The following POC1A variants were observed in gnomAD, a reference collection of about 807,000 sequenced individuals.
POC1A encodes the protein POC1 centriolar protein A, also known as POC1 centriolar protein homolog A.
POC1A carries 34 observed loss-of-function variants against 47.8 expected under a neutral mutation model. That is an observed-to-expected ratio of 0.71 (90% CI 0.54 to 0.95). POC1A has a LOEUF of 0.95. POC1A is among the 40% of genes least tolerant of loss of function. The probability of loss-of-function intolerance (pLI) is 0.00; values close to 1 mark genes in which losing one functional copy is unlikely to be tolerated. For missense variants in POC1A, 466 were observed against 528.3 expected, an observed-to-expected ratio of 0.88 and a Z score of 1.16; for synonymous variants, 177 against 207.6, an observed-to-expected ratio of 0.85 and a Z score of 1.27.
At position 52,150,002 on chromosome 3, in the gene POC1A, T is replaced by C; in HGVS notation, c.104-15A>G. 6.2e-7 allele frequency: 1 copy of C among 1,608,942 alleles called. No homozygotes were observed. Among genetic ancestry groups the C allele is most frequent in the Non-Finnish European group, 8.5e-7 (1 of 1,177,290 alleles). Reference sequence around the variant, plus strand: ...GGAGCCACTGGCTGAGGACAGTGGGTGATGCTATGACCTACAGCTCTAACA... The same window carrying C: ...GGAGCCACTGGCTGAGGACAGTGGGCGATGCTATGACCTACAGCTCTAACA... On this transcript the variant is annotated splice_polypyrimidine_tract_variant and intron_variant, in intron 2 of 10. Coordinates refer to ENST00000296484, the MANE Select transcript of POC1A (RefSeq NM_015426.5).
chr3:52,145,036 C>T (rs936223927), intron 6 of POC1A, among the ~76,000 whole-genome samples: 3 of 152,200 alleles, frequency 2.0e-5, no homozygotes, highest in Non-Finnish European at 4.4e-5. Flanking sequence ...TGGTCTCGGC[C>T]CTGGTCCAGT....
rs565939669 is a variant in POC1A at position 52,151,891 on chromosome 3, G to GAA, written c.19-793_19-792dup. Reference sequence around the variant, plus strand: ...TTCACATGAAAATGCAAGACACCCAGAAAAAAAAAAAAATCTTTAAAAACA... The same window carrying GAA: ...TTCACATGAAAATGCAAGACACCCAGAAAAAAAAAAAAAAATCTTTAAAAACA... On this transcript the variant is annotated intron_variant, in intron 1 of 10. Coordinates refer to ENST00000296484, the MANE Select transcript of POC1A (RefSeq NM_015426.5). 9.9e-3 allele frequency among the ~76,000 whole-genome samples: 1,306 copies of GAA among 131,850 alleles called. 21 individuals are homozygous for GAA. Among genetic ancestry groups the GAA allele is most frequent in the African/African-American group, 0.032 (1,163 of 36,288 alleles). The allele number at this position is 131,850 out of a possible 152,430, so 86.5% of individuals were successfully genotyped here.
rs1031071630 is a variant in POC1A, at chr3:52,121,993, G to A, written c.981+386C>T. On this transcript the variant is annotated intron_variant, in intron 9 of 10. Transcript: ENST00000296484. Reference sequence around the variant, plus strand: ...GGCTGGGCCTTTCCCACTTGTCCCAGCTGTGGCTTCAGGCCCTGAACCCTC... The same window carrying A: ...GGCTGGGCCTTTCCCACTTGTCCCAACTGTGGCTTCAGGCCCTGAACCCTC... Among the ~76,000 whole-genome samples, 10 of 152,174 alleles carry A rather than the reference G, an allele frequency of 6.6e-5. No individual in the cohort carries two copies. In the East Asian group the frequency reaches 1.9e-3, roughly 29 times the overall value.
chr3:52,079,888 C>T lies in POC1A; in HGVS notation c.1126-3903G>A, dbSNP rs2106923110. ...TTGGAGAAACCAGGCAGCTCATTCC[C>T]TTTCCTTGGACCTGGTGCTACCCTG... On this transcript the variant is annotated intron_variant, in intron 10 of 10. Transcript: ENST00000296484. This position sits in a 1 kb window ranked among gnomAD's most constrained non-coding sequence, Gnocchi z 4.6. Among the ~76,000 whole-genome samples the T allele has an allele frequency of 6.6e-6, 1 of 152,300 alleles. No homozygotes were observed. The highest frequency in any genetic ancestry group is 1.9e-4 in the East Asian group (1 of 5,180).
chr3:52,090,186 C>T lies in POC1A; in HGVS notation c.1125+6383G>A, dbSNP rs1702598427. The stretch of plus-strand genomic sequence containing the variant: ...CGCATGCATTTTCAAGTCCTGGAGC[C>T]CAGCAGCCTCCATGAGTCACAGGAA... On this transcript the variant is annotated intron_variant, in intron 10 of 10. Transcript: ENST00000296484. The surrounding 1 kb of genome is among the most constrained non-coding windows in gnomAD (Gnocchi z 4.2). Among the ~76,000 whole-genome samples, 1 of 152,192 alleles carries T rather than the reference C, an allele frequency of 6.6e-6. No homozygotes were observed. The highest frequency in any genetic ancestry group is 1.9e-4 in the East Asian group (1 of 5,192).
At chr3:52,117,427 G>A (rs947508712) in intron 9 of POC1A, among the ~76,000 whole-genome samples, 16 of 152,172 alleles carry the variant, frequency 1.1e-4, no homozygotes, top group African/African-American at 3.9e-4. Context: ...TCCCACGAAG[G>A]AGGGCCCAGC....
chr3:52,145,457 A>C (rs1698332442), intron 6 of POC1A, among the ~76,000 whole-genome samples: 1 of 152,154 alleles, frequency 6.6e-6, no homozygotes, highest in South Asian at 2.1e-4. Flanking sequence ...AAGGGCTGTC[A>C]CCTTGGCCCT....
chr3:52,139,247 T>G (rs1428461124), intron 6 of POC1A, among the ~76,000 whole-genome samples: 4 of 152,148 alleles, frequency 2.6e-5, no homozygotes, highest in Admixed American at 2.0e-4. Context: ...CTTTGCAGAG[T>G]GAGCCATCCA....
At chr3:52,082,990 C>A (rs1046153505) in intron 10 of POC1A, among the ~76,000 whole-genome samples, 1 of 152,192 alleles carries the variant, frequency 6.6e-6, no homozygotes, top group African/African-American at 2.4e-5. Flanking sequence ...AGCCCAGATG[C>A]CGTATCATCC....
intron 9 of POC1A, among the ~76,000 whole-genome samples, chr3:52,099,376 T>C (rs1342687740): frequency 6.6e-6 from 1 of 152,010 alleles, no homozygotes; most frequent in African/African-American, 2.4e-5. Flanking sequence ...AAAGCAGAGA[T>C]AAGAAAATGA....
chr3:52,122,298 C>T (rs991389211), intron 9 of POC1A, 81 bp downstream of exon 9: 3 of 789,108 alleles, frequency 3.8e-6, no homozygotes, highest in South Asian at 1.4e-5. Flanking sequence ...CCTCCCTCAC[C>T]GTCTCCAAGC....
rs1703949337 is a variant in POC1A, at chr3:52,125,174, G to A, written c.821C>T (p.Ala274Val). Residue 274 changes from alanine to valine, a missense_variant, in exon 8 of 11, where the codon GCC (alanine) becomes GTC (valine). Physicochemically the swap from Ala to Val is moderately conservative, Grantham distance 64. Transcript: ENST00000296484. Reference protein sequence around the residue: ...LYTLHGHQGPATTVAFSRTGE... With the variant: ...LYTLHGHQGPVTTVAFSRTGE... ...CGTTCTTGAAAAGGCAACAGTGGTG[G>A]CTGGTCCCTGGCAGAACAAACAAAA... is the stretch of plus-strand genomic sequence containing the variant. 6.2e-7 allele frequency: 1 copy of A among 1,613,438 alleles called. No individual in the cohort carries two copies. Among genetic ancestry groups the A allele is most frequent in the South Asian group, 1.1e-5 (1 of 91,058 alleles).
chr3:52,154,401 G>T lies in POC1A; in HGVS notation c.-29C>A. 1 of 1,450,158 alleles carries T rather than the reference G, an allele frequency of 6.9e-7. No individual in the cohort carries two copies. 89.8% of individuals were successfully genotyped at this position (1,450,158 alleles called of 1,614,324 possible). On this transcript the variant is annotated 5_prime_UTR_variant, in exon 1 of 11. Transcript: ENST00000296484. ...GGGGCTGGCGGCGCCGAAGGCAGCT[G>T]CGGTGGCCGTTGCGGCCCGTTCAGT...
intron 9 of POC1A, among the ~76,000 whole-genome samples, chr3:52,104,104 G>A (rs112081347): frequency 0.017 from 2,516 of 152,196 alleles, 59 homozygotes; most frequent in African/African-American, 0.053. Flanking sequence ...CTCACCAACA[G>A]AACAAAACTG....
At chr3:52,092,087 G>C (rs1577816983) in intron 10 of POC1A, among the ~76,000 whole-genome samples, 1 of 152,214 alleles carries the variant, frequency 6.6e-6, no homozygotes, top group African/African-American at 2.4e-5. Context: ...TCAAAGCATG[G>C]CATCAGCTGG....
At chr3:52,109,160 T>C (rs145237503) in intron 9 of POC1A, among the ~76,000 whole-genome samples, 6 of 152,310 alleles carry the variant, frequency 3.9e-5, no homozygotes, top group African/African-American at 1.4e-4. Flanking sequence ...GCATCCTTAT[T>C]TGAACAATGA....
At chr3:52,121,416 C>T (rs375455482) in intron 9 of POC1A, among the ~76,000 whole-genome samples, 3 of 152,216 alleles carry the variant, frequency 2.0e-5, no homozygotes, top group African/African-American at 7.2e-5. Flanking sequence ...CCAGCCAGGA[C>T]AGCAACCCTT....
chr3:52,097,093 T>C (rs1000507836), intron 9 of POC1A, among the ~76,000 whole-genome samples: 7 of 152,260 alleles, frequency 4.6e-5, no homozygotes, highest in African/African-American at 1.7e-4. Context: ...AGTCCAGAGA[T>C]GCTGAAGCCT....
rs1249251663 is a variant in POC1A at position 52,090,213 on chromosome 3, T to C, written c.1125+6356A>G. ...AGCAGCCTCCATGAGTCACAGGAACTGGAACGTGACATCACAGCATTGCTG... is the reference window on the plus strand; with the variant it reads ...AGCAGCCTCCATGAGTCACAGGAACCGGAACGTGACATCACAGCATTGCTG... On this transcript the variant is annotated intron_variant, in intron 10 of 10. Transcript: ENST00000296484. The surrounding 1 kb of genome is among the most constrained non-coding windows in gnomAD (Gnocchi z 4.2). 1.3e-5 allele frequency among the ~76,000 whole-genome samples: 2 copies of C among 152,182 alleles called. No individual in the cohort carries two copies. Among genetic ancestry groups the C allele is most frequent in the Admixed American group, 1.3e-4 (2 of 15,282 alleles).
Sources: allele counts gnomAD v4.1 joint callset (sites outside exome capture counted in the v4.1 genomes callset), GRCh38; gene constraint gnomAD v4.1.1; non-coding constraint Gnocchi (gnomAD v3.1); transcripts MANE v1.5; gene names NCBI Gene and HGNC (gene_info 2026-07-23, HGNC 2026-07-21).